The following ST8SIA5 variants were observed in gnomAD, a reference collection of about 807,000 sequenced individuals.
ST8SIA5 encodes the protein alpha-2,8-sialyltransferase 8E.
In ST8SIA5, 24 loss-of-function variants were observed where a neutral mutation model predicts 40.2. That is an observed-to-expected ratio of 0.60 (90% CI 0.43 to 0.84). The LOEUF is 0.84. ST8SIA5 is among the 40% of genes least tolerant of loss of function. The pLI is 0.00. For synonymous variants in ST8SIA5, 198 were observed against 201.8 expected (o/e 0.98, Z 0.16); for missense variants, 465 against 498.5 (o/e 0.93, Z 0.64).
chr18:46,686,792 T>A (rs567250271), intron 4 of ST8SIA5, among the ~76,000 whole-genome samples: 1 of 142,358 alleles, frequency 7.0e-6, no homozygotes, highest in South Asian at 2.2e-4. Flanking sequence ...TAAACTGCAC[T>A]ATTAGACTTG....
intron 1 of ST8SIA5, among the ~76,000 whole-genome samples, chr18:46,708,376 G>A (rs1249247697): frequency 6.6e-6 from 1 of 152,180 alleles, no homozygotes; most frequent in Non-Finnish European, 1.5e-5. Flanking sequence ...ACATGGACCT[G>A]CTTGATCACC....
intron 2 of ST8SIA5, among the ~76,000 whole-genome samples, chr18:46,694,772 C>T (rs2039540069): frequency 6.6e-6 from 1 of 152,088 alleles, no homozygotes; most frequent in South Asian, 2.1e-4. Context: ...TGTCTATCCA[C>T]CCACGTGCAT....
At chr18:46,747,854 A>G (rs1030520417) in intron 1 of ST8SIA5, among the ~76,000 whole-genome samples, 1 of 152,266 alleles carries the variant, frequency 6.6e-6, no homozygotes, top group Non-Finnish European at 1.5e-5. Flanking sequence ...GGATTAAGAA[A>G]TTGTGGCACA....
chr18:46,679,867 C>T lies in ST8SIA5; in HGVS notation c.*175G>A, dbSNP rs1273002802. On this transcript the variant is annotated 3_prime_UTR_variant, in exon 7 of 7. Transcript: ENST00000315087. ...GAGGCTCAGCACAGAGCTGACTCTG[C>T]CCCGGTTCCTAACCCTGCCTCCCTA... 4.4e-6 allele frequency: 3 copies of T among 681,270 alleles called. No individual in the cohort carries two copies. The highest frequency in any genetic ancestry group is 3.6e-5 in the African/African-American group (2 of 55,238). 42.2% of individuals were successfully genotyped at this position (681,270 alleles called of 1,614,324 possible).
At chr18:46,704,495 T>C (rs1392729870) in intron 2 of ST8SIA5, 77 bp downstream of exon 2, 1 of 1,291,256 alleles carries the variant, frequency 7.7e-7, no homozygotes, top group Non-Finnish European at 1.1e-6. Flanking sequence ...CTTCCACCCT[T>C]GCCCCCACGC....
intron 1 of ST8SIA5, among the ~76,000 whole-genome samples, chr18:46,709,819 G>A (rs1480068730): frequency 1.3e-5 from 2 of 152,060 alleles, no homozygotes; most frequent in Admixed American, 1.3e-4. Context: ...ATACTTTTCT[G>A]TGTTTTTATA....
chr18:46,687,045 T>C (rs998291454), intron 4 of ST8SIA5, among the ~76,000 whole-genome samples: 2 of 152,204 alleles, frequency 1.3e-5, no homozygotes, highest in Admixed American at 6.5e-5. Flanking sequence ...GTTCAGGAAA[T>C]GTGATTCTAT....
intron 1 of ST8SIA5, among the ~76,000 whole-genome samples, chr18:46,740,044 C>T (rs528441409): frequency 4.6e-5 from 7 of 152,330 alleles, no homozygotes; most frequent in African/African-American, 1.2e-4. Context: ...ATCCCAAGAA[C>T]ACTTCTCAAT....
chr18:46,681,663 C>A (rs899164255), intron 6 of ST8SIA5, among the ~76,000 whole-genome samples: 2 of 152,280 alleles, frequency 1.3e-5, no homozygotes, highest in South Asian at 4.1e-4. Context: ...TCCAAAAGAA[C>A]TAATGCAGGC....
intron 5 of ST8SIA5, 124 bp downstream of exon 5, chr18:46,686,050 G>T: frequency 1.1e-6 from 1 of 874,114 alleles, no homozygotes; most frequent in South Asian, 1.5e-5. Flanking sequence ...TCCCAGACCT[G>T]AGGGTCTGCA....
chr18:46,706,641 C>T (rs2039672898), intron 1 of ST8SIA5, among the ~76,000 whole-genome samples: 1 of 152,206 alleles, frequency 6.6e-6, no homozygotes, highest in African/African-American at 2.4e-5. Flanking sequence ...TCTATATCTT[C>T]TGTACTACAG....
intron 1 of ST8SIA5, among the ~76,000 whole-genome samples, chr18:46,716,083 A>C (rs2039785852): frequency 9.6e-6 from 1 of 104,604 alleles, no homozygotes; most frequent in Non-Finnish European, 2.2e-5. Context: ...GTGGAGTCAC[A>C]CAGGATAGAT....
chr18:46,708,165 G>A (rs941083958), intron 1 of ST8SIA5, among the ~76,000 whole-genome samples: 15 of 152,200 alleles, frequency 9.9e-5, no homozygotes, highest in Admixed American at 3.9e-4. Context: ...TAAAGAGCAC[G>A]TGATACCAGT....
chr18:46,724,989 G>GAGGAAGGA (rs60444300), intron 1 of ST8SIA5, among the ~76,000 whole-genome samples: 5,547 of 99,494 alleles, frequency 0.056, 227 homozygotes, highest in East Asian at 0.085. Context: ...GAAAGAGAGA[G>GAGGAAGGA]AGGAAGGAAG....
At chr18:46,706,464 T>C (rs2039671272) in intron 1 of ST8SIA5, among the ~76,000 whole-genome samples, 1 of 152,066 alleles carries the variant, frequency 6.6e-6, no homozygotes, top group Admixed American at 6.5e-5. Flanking sequence ...AATAACATGG[T>C]ATTGGGTTGG....
chr18:46,687,188 A>G (rs772379654), intron 4 of ST8SIA5, among the ~76,000 whole-genome samples: 2 of 152,254 alleles, frequency 1.3e-5, no homozygotes, highest in Non-Finnish European at 2.9e-5. Flanking sequence ...AAACAACCCA[A>G]AGAAGAAACT....
At chr18:46,685,963 T>C (rs2039442167) in intron 5 of ST8SIA5, 9 of 588,628 alleles carry the variant, frequency 1.5e-5, no homozygotes. Context: ...CATCTCCCAT[T>C]GTGCAGATGT....
Position 46,680,020 on chromosome 18 carries a change from C to G in ST8SIA5, c.*22G>C. On this transcript the variant is annotated 3_prime_UTR_variant, in exon 7 of 7. Transcript: ENST00000315087. Reference sequence around the variant, plus strand: ...CAGCAGGAGAGGGGGCGCCGCTTGCCGGGCAGCCTGGCTGGCAGCCATCAG... The same window carrying G: ...CAGCAGGAGAGGGGGCGCCGCTTGCGGGGCAGCCTGGCTGGCAGCCATCAG... The G allele has an allele frequency of 1.3e-6, 2 of 1,582,282 alleles. No homozygotes were observed. Among genetic ancestry groups the G allele is most frequent in the Non-Finnish European group, 1.7e-6 (2 of 1,162,876 alleles).
intron 1 of ST8SIA5, 67 bp from the exon 2 acceptor site, chr18:46,704,731 T>C (rs1009464726): frequency 3.8e-6 from 5 of 1,307,762 alleles, no homozygotes; most frequent in Non-Finnish European, 5.5e-6. Context: ...GCAGGGGCTC[T>C]TGTTGCAGGG....
Sources: gnomAD v4.1 joint callset for allele counts (sites outside exome capture counted in the v4.1 genomes callset) on GRCh38, gnomAD v4.1.1 for gene constraint, MANE v1.5 for transcripts, NCBI Gene and HGNC (gene_info 2026-07-23, HGNC 2026-07-21) for gene names.